RGS22: variants seen among roughly 807,000 people sequenced by gnomAD.
The protein encoded by RGS22 is regulator of G-protein signaling 22.
In RGS22, 148 loss-of-function variants were observed where a neutral mutation model predicts 172.9. The ratio of observed to expected loss-of-function variants is 0.86; its 90% CI spans 0.75 to 0.98. RGS22 has a LOEUF of 0.98. Ranked by LOEUF, RGS22 falls within the 50% of genes least tolerant of loss-of-function variation. The pLI is 0.00. For synonymous variants in RGS22, 458 were observed against 480.2 expected, an observed-to-expected ratio of 0.95 and a Z score of 0.60; for missense variants, 1,347 against 1,440.8, an observed-to-expected ratio of 0.93 and a Z score of 1.05.
chr8:100,074,960 C>T (rs755950103), intron 4 of RGS22, among the ~76,000 whole-genome samples: 3 of 151,862 alleles, frequency 2.0e-5, no homozygotes, highest in Admixed American at 1.3e-4. Flanking sequence ...TTGGTAGAGA[C>T]GGAGTTTCAC....
intron 23 of RGS22, among the ~76,000 whole-genome samples, chr8:99,968,025 C>T (rs1401350470): frequency 6.6e-6 from 1 of 152,142 alleles, no homozygotes; most frequent in African/African-American, 2.4e-5. Flanking sequence ...ACAAAGCTTC[C>T]AGAAGAAGGA....
intron 23 of RGS22, among the ~76,000 whole-genome samples, chr8:99,973,559 T>A (rs1811599575): frequency 6.6e-6 from 1 of 152,048 alleles, no homozygotes; most frequent in Non-Finnish European, 1.5e-5. Flanking sequence ...AAATACCTAA[T>A]GCATGTGGGG....
At chr8:99,992,728 G>A (rs1813897433) in intron 20 of RGS22, among the ~76,000 whole-genome samples, 1 of 152,100 alleles carries the variant, frequency 6.6e-6, no homozygotes, top group Non-Finnish European at 1.5e-5. Flanking sequence ...AATTAACAAG[G>A]ATATCCAGAC....
At chr8:99,980,530 G>A (rs1812438952) in intron 22 of RGS22, among the ~76,000 whole-genome samples, 1 of 152,198 alleles carries the variant, frequency 6.6e-6, no homozygotes, top group Non-Finnish European at 1.5e-5. Flanking sequence ...CTTGTATCCT[G>A]GGGTAGGAGG....
chr8:100,092,414 C>T (rs889976483), intron 3 of RGS22, among the ~76,000 whole-genome samples: 4 of 152,128 alleles, frequency 2.6e-5, no homozygotes, highest in African/African-American at 9.7e-5. Context: ...ATTCCCAATG[C>T]AACAGTGTTG....
intron 7 of RGS22, among the ~76,000 whole-genome samples, chr8:100,064,924 G>C (rs972781174): frequency 6.6e-6 from 1 of 152,022 alleles, no homozygotes; most frequent in African/African-American, 2.4e-5. Flanking sequence ...AAAATGGCAC[G>C]AGATACTTAT....
At position 100,053,459 on chromosome 8, in the gene RGS22, A is replaced by AGG. The variant is rs1312278740; in HGVS notation, c.1515-484_1515-483insCC. 6.2e-5 allele frequency among the ~76,000 whole-genome samples: 7 copies of AGG among 112,100 alleles called. No individual in the cohort carries two copies. The East Asian group carries it at 8.7e-4, about 14-fold the overall frequency. The allele number at this position is 112,100 out of a possible 152,430, so 73.5% of individuals were successfully genotyped here. ...AAGGAAGGAAGGAAGGGAGGGAGGG[A>AGG]GAGAGGGAGGGAGGGAGGGAGGAAA... On this transcript the variant is annotated intron_variant, in intron 9 of 27. Coordinates refer to ENST00000360863, the MANE Select transcript of RGS22 (RefSeq NM_015668.5).
chr8:100,097,879 G>C (rs933748981), intron 2 of RGS22, among the ~76,000 whole-genome samples: 4 of 151,956 alleles, frequency 2.6e-5, no homozygotes, highest in African/African-American at 9.7e-5. Flanking sequence ...TTAATACAAG[G>C]GATCCATTGT....
intron 27 of RGS22, 87 bp from the exon 28 acceptor site, chr8:99,961,283 T>C (rs183662772): frequency 8.5e-5 from 36 of 422,662 alleles, no homozygotes; most frequent in Middle Eastern, 7.4e-4. Context: ...AAAAAACTTA[T>C]ATAGAATTGT....
intron 4 of RGS22, among the ~76,000 whole-genome samples, chr8:100,079,026 A>G (rs188878827): frequency 1.3e-5 from 2 of 152,256 alleles, no homozygotes; most frequent in African/African-American, 4.8e-5. Context: ...AAATATATCA[A>G]ATAAGATCAT....
chr8:100,003,543 A>G (rs1161163697), intron 17 of RGS22, among the ~76,000 whole-genome samples: 1 of 152,000 alleles, frequency 6.6e-6, no homozygotes, highest in Non-Finnish European at 1.5e-5. Context: ...AATAAAAATT[A>G]TAAAATATAA....
chr8:100,089,175 T>C (rs981985386), intron 3 of RGS22, among the ~76,000 whole-genome samples: 1 of 151,022 alleles, frequency 6.6e-6, no homozygotes, highest in Admixed American at 6.6e-5. Context: ...TAGATATATA[T>C]ACATAATAGA....
At chr8:99,995,010 TG>T (rs1476638983) in intron 20 of RGS22, among the ~76,000 whole-genome samples, 1 of 152,126 alleles carries the variant, frequency 6.6e-6, no homozygotes, top group African/African-American at 2.4e-5. Context: ...AAACAAGAAA[TG>T]GGGAAACGAT....
intron 27 of RGS22, among the ~76,000 whole-genome samples, chr8:99,961,805 A>G (rs1402881736): frequency 6.6e-6 from 1 of 152,174 alleles, no homozygotes; most frequent in African/African-American, 2.4e-5. Flanking sequence ...TGGGCTAAGA[A>G]CATTAAGGCC....
chr8:99,965,782 T>C (rs540494413), intron 23 of RGS22, among the ~76,000 whole-genome samples: 3 of 152,218 alleles, frequency 2.0e-5, no homozygotes, highest in African/African-American at 7.2e-5. Context: ...TTAATCTTTA[T>C]ATTTTATTAT....
At chr8:100,047,954 G>A (rs923166076) in intron 10 of RGS22, among the ~76,000 whole-genome samples, 7 of 90,068 alleles carry the variant, frequency 7.8e-5, no homozygotes, top group African/African-American at 1.2e-4. Flanking sequence ...CGAGGGCTGT[G>A]TGTGTACTGG....
At chr8:99,965,260 A>G in intron 24 of RGS22, 75 bp downstream of exon 24, 1 of 945,176 alleles carries the variant, frequency 1.1e-6, no homozygotes, top group South Asian at 1.4e-5. Flanking sequence ...AGTACTGTAC[A>G]ATGACTGAGT....
chr8:99,970,952 GA>G (rs1275889433), intron 23 of RGS22, among the ~76,000 whole-genome samples: 1 of 152,194 alleles, frequency 6.6e-6, no homozygotes. Context: ...CAATATCCCT[GA>G]TGAACATCGA....
chr8:99,972,714 A>G (rs1811494752), intron 23 of RGS22, among the ~76,000 whole-genome samples: 1 of 152,188 alleles, frequency 6.6e-6, no homozygotes, highest in African/African-American at 2.4e-5. Flanking sequence ...ACCATCTCAC[A>G]CCAGTTAGAA....
Sources: gnomAD v4.1 joint callset for allele counts (sites outside exome capture counted in the v4.1 genomes callset) on GRCh38, gnomAD v4.1.1 for gene constraint, MANE v1.5 for transcripts, NCBI Gene and HGNC (gene_info 2026-07-23, HGNC 2026-07-21) for gene names.